Variants in CERKL observed in about 807,000 individuals in gnomAD.
CERKL encodes ceramide kinase-like protein.
CERKL carries 61 observed loss-of-function variants against 63.4 expected under a neutral mutation model. The observed-to-expected ratio is 0.96, with a 90% CI of 0.78 to 1.19. The LOEUF is 1.19. Ranked by LOEUF, CERKL falls within the 50% of genes most tolerant of loss-of-function variation. CERKL has a pLI of 0.00. For synonymous variants in CERKL, 250 were observed against 230.5 expected, an observed-to-expected ratio of 1.08 and a Z score of -0.77; for missense variants, 675 against 655.5, an observed-to-expected ratio of 1.03 and a Z score of -0.33.
intron 1 of CERKL, among the ~76,000 whole-genome samples, chr2:181,625,551 T>A (rs1450110478): frequency 6.6e-6 from 1 of 152,202 alleles, no homozygotes; most frequent in Non-Finnish European, 1.5e-5. Context: ...TCAAAGTTTA[T>A]CCTCTTATAG....
chr2:181,657,080 C>G lies in CERKL; in HGVS notation c.-74G>C. On this transcript the variant is annotated 5_prime_UTR_variant, in exon 1 of 13. Transcript: ENST00000410087. ...GAGAAGGAGGTGGAGGGCGCGGCAG[C>G]CCCAGCTCTAGCCGCGTCCAGCGCT... 2 of 1,352,940 alleles carry G rather than the reference C, an allele frequency of 1.5e-6. No individual in the cohort carries two copies. Among genetic ancestry groups the G allele is most frequent in the Non-Finnish European group, 2.1e-6 (2 of 973,052 alleles). The allele number at this position is 1,352,940 out of a possible 1,614,324, so 83.8% of individuals were successfully genotyped here.
chr2:181,598,897 G>A (rs554427013), intron 2 of CERKL, among the ~76,000 whole-genome samples: 15 of 149,912 alleles, frequency 1.0e-4, no homozygotes, highest in East Asian at 5.8e-4. Flanking sequence ...TTTAAGTCCC[G>A]CCCAACCAAT....
chr2:181,564,473 G>A (rs895635899), intron 4 of CERKL, among the ~76,000 whole-genome samples: 15 of 151,972 alleles, frequency 9.9e-5, no homozygotes, highest in Non-Finnish European at 4.4e-5. Flanking sequence ...GCTCTACACT[G>A]AAAAATAACA....
chr2:181,642,664 TG>T (rs1687496022), intron 1 of CERKL, among the ~76,000 whole-genome samples: 1 of 152,202 alleles, frequency 6.6e-6, no homozygotes, highest in South Asian at 2.1e-4. Flanking sequence ...ACATGAAATT[TG>T]TAACTTGAGA....
chr2:181,542,074 A>C (rs1049523545), intron 11 of CERKL, among the ~76,000 whole-genome samples: 1 of 152,216 alleles, frequency 6.6e-6, no homozygotes, highest in Non-Finnish European at 1.5e-5. Flanking sequence ...AGAGGGCTGC[A>C]AAGAAATCCT....
rs368938081 is a variant in CERKL, at chr2:181,656,800, C to T, written c.207G>A (p.Arg69=). 6.3e-6 allele frequency: 10 copies of T among 1,596,244 alleles called. No homozygotes were observed. The African/African-American group carries it at 1.2e-4, about 19-fold the overall frequency. The part of the protein sequence containing the change: ...CDVVLSERAL[R]WRPIQPERPA... ...GGCGCTCGGGCTGAATGGGCCGCCA[C>T]CGCAGTGCTCGCTCGCTCAGCACCA... Residue 69 remains arginine (R), a synonymous_variant, in exon 1 of 13, where the codon CGG becomes CGA. Coordinates refer to ENST00000410087, the MANE Select transcript of CERKL (RefSeq NM_201548.5).
intron 12 of CERKL, 52 bp downstream of exon 12, chr2:181,539,040 A>G (rs1687354664): frequency 7.8e-7 from 1 of 1,279,992 alleles, no homozygotes; most frequent in Non-Finnish European, 1.1e-6. Flanking sequence ...TCGTTGTAAT[A>G]TTAGATTTAT....
intron 2 of CERKL, among the ~76,000 whole-genome samples, chr2:181,588,024 T>C (rs1483131545): frequency 2.0e-5 from 3 of 152,188 alleles, no homozygotes; most frequent in Non-Finnish European, 4.4e-5. Flanking sequence ...ATCATGTACA[T>C]CATGTTGTTT....
At chr2:181,624,666 T>C (rs1028495579) in intron 1 of CERKL, among the ~76,000 whole-genome samples, 3 of 152,182 alleles carry the variant, frequency 2.0e-5, no homozygotes, top group Non-Finnish European at 4.4e-5. Flanking sequence ...GTGACAATGA[T>C]GCTGCTCAAG....
chr2:181,611,429 C>A (rs951497047), intron 1 of CERKL, among the ~76,000 whole-genome samples: 14 of 151,762 alleles, frequency 9.2e-5, no homozygotes, highest in African/African-American at 3.4e-4. Context: ...GAGGCTGAGG[C>A]AGGAGGATAA....
chr2:181,579,151 G>C (rs1365345015), intron 2 of CERKL, among the ~76,000 whole-genome samples: 2 of 151,852 alleles, frequency 1.3e-5, no homozygotes, highest in African/African-American at 4.9e-5. Flanking sequence ...GTACTTTCTG[G>C]ATAAGTTAAT....
Position 181,616,358 on chromosome 2 carries a change from C to T in CERKL, c.239-12279G>A, listed in dbSNP as rs536648049. 6.6e-5 allele frequency among the ~76,000 whole-genome samples: 10 copies of T among 151,864 alleles called. No homozygotes were observed. The South Asian group carries it at 8.3e-4, about 13-fold the overall frequency. On this transcript the variant is annotated intron_variant, in intron 1 of 12. Coordinates refer to ENST00000410087, the MANE Select transcript of CERKL (RefSeq NM_201548.5). ...CCTCCCAAGTAGCTAGGACCACAGGCGCTCGCCACCATGCCCGGCTAATTT... is the reference window on the plus strand; with the variant it reads ...CCTCCCAAGTAGCTAGGACCACAGGTGCTCGCCACCATGCCCGGCTAATTT...
At chr2:181,606,245 A>G (rs1685676336) in intron 1 of CERKL, among the ~76,000 whole-genome samples, 1 of 127,034 alleles carries the variant, frequency 7.9e-6, no homozygotes, top group African/African-American at 2.9e-5. Flanking sequence ...AGGATGGAAG[A>G]CAAGGAGGAA....
At chr2:181,565,430 TG>T in intron 4 of CERKL, 2 of 1,609,258 alleles carry the variant, frequency 1.2e-6, no homozygotes, top group African/African-American at 2.7e-5. Context: ...TTATATCACT[TG>T]CCTTGGTTCT....
At chr2:181,578,329 T>C (rs1684347731) in intron 2 of CERKL, among the ~76,000 whole-genome samples, 1 of 152,132 alleles carries the variant, frequency 6.6e-6, no homozygotes, top group African/African-American at 2.4e-5. Context: ...GAATGGTGTC[T>C]TGCTCTGTCA....
chr2:181,544,162 T>C (rs562383699), intron 11 of CERKL, among the ~76,000 whole-genome samples: 1 of 152,290 alleles, frequency 6.6e-6, no homozygotes, highest in African/African-American at 2.4e-5. Context: ...TTACTGTTTC[T>C]CTTTAAAGCA....
intron 8 of CERKL, 114 bp downstream of exon 8, chr2:181,548,431 T>C: frequency 1.2e-6 from 1 of 820,508 alleles, no homozygotes; most frequent in Non-Finnish European, 2.0e-6. Context: ...TTCTATATTC[T>C]TTACTACTAT....
rs146913105 is a variant in CERKL at position 181,539,107 on chromosome 2, G to A, written c.1523C>T (p.Ser508Leu). ...NVDGDLMEVA[S>L]EVHIRLHPRL... Reference sequence around the variant, plus strand: ...ATAGACTTACCTAATATGGACCTCTGATGCAACTTCCATTAAGTCACCATC... The same window carrying A: ...ATAGACTTACCTAATATGGACCTCTAATGCAACTTCCATTAAGTCACCATC... Residue 508 changes from serine to leucine, a missense_variant, in exon 12 of 13, where the codon TCA becomes TTA. Ser to Leu is a moderately radical substitution (Grantham distance 145). Transcript: ENST00000410087. 1,984 of 1,603,852 alleles carry A rather than the reference G, an allele frequency of 1.2e-3. 4 individuals are homozygous for A. Among genetic ancestry groups the A allele is most frequent in the Non-Finnish European group, 1.6e-3 (1,847 of 1,170,938 alleles).
intron 11 of CERKL, among the ~76,000 whole-genome samples, chr2:181,544,441 A>G (rs1687637689): frequency 6.6e-6 from 1 of 152,204 alleles, no homozygotes; most frequent in Non-Finnish European, 1.5e-5. Context: ...ACATTGCAAT[A>G]TAACACTACA....
Sources: gnomAD v4.1 joint callset for allele counts (sites outside exome capture counted in the v4.1 genomes callset) on GRCh38, gnomAD v4.1.1 for gene constraint, MANE v1.5 for transcripts, NCBI Gene and HGNC (gene_info 2026-07-23, HGNC 2026-07-21) for gene names.